GALNT14: variants seen among roughly 807,000 people sequenced by gnomAD.
GALNT14 encodes polypeptide N-acetylgalactosaminyltransferase 14.
A neutral mutation model predicts 77.5 loss-of-function variants in GALNT14; 60 were observed. That is an observed-to-expected ratio of 0.77 (90% CI 0.63 to 0.96). The LOEUF is 0.96. Among genes scored for constraint, GALNT14 ranks in the 40% least tolerant of loss-of-function variants. The pLI is 0.00. For synonymous variants in GALNT14, 280 were observed against 281.7 expected (o/e 0.99, Z 0.06); for missense variants, 710 against 731.0 (o/e 0.97, Z 0.33).
Position 30,930,157 on chromosome 2 carries a change from G to C in GALNT14, c.1059-670C>G, listed in dbSNP as rs1014953680. Reference sequence around the variant, plus strand: ...CTTCTGTGGCTATCAAAGAAATAGGGAGAAAAGGCTCAGGAACCCTACTGG... The same window carrying C: ...CTTCTGTGGCTATCAAAGAAATAGGCAGAAAAGGCTCAGGAACCCTACTGG... On this transcript the variant is annotated intron_variant, in intron 10 of 14. Coordinates refer to ENST00000349752, the MANE Select transcript of GALNT14 (RefSeq NM_024572.4). Among the ~76,000 whole-genome samples the C allele has an allele frequency of 2.6e-5, 4 of 151,350 alleles. No homozygotes were observed. In the East Asian group the frequency reaches 7.7e-4, roughly 29 times the overall value.
At chr2:30,932,540 C>A (rs151272202) in intron 9 of GALNT14, among the ~76,000 whole-genome samples, 1 of 152,192 alleles carries the variant, frequency 6.6e-6, no homozygotes, top group Non-Finnish European at 1.5e-5. Flanking sequence ...TTCTAACTTG[C>A]GGAAGAATTC....
chr2:31,047,878 G>GAC (rs1358014754), intron 1 of GALNT14, among the ~76,000 whole-genome samples: 1 of 152,210 alleles, frequency 6.6e-6, no homozygotes, highest in African/African-American at 2.4e-5. Context: ...CAAAGGGAAT[G>GAC]ACACACACCA....
intron 13 of GALNT14, among the ~76,000 whole-genome samples, chr2:30,921,158 C>T (rs1366967477): frequency 1.3e-5 from 2 of 152,194 alleles, no homozygotes; most frequent in African/African-American, 2.4e-5. Flanking sequence ...AGGGCCAGAG[C>T]ATTGCAGGGC....
At chr2:30,939,865 T>C (rs1291754313) in intron 9 of GALNT14, among the ~76,000 whole-genome samples, 3 of 152,192 alleles carry the variant, frequency 2.0e-5, no homozygotes, top group Middle Eastern at 3.4e-3. Flanking sequence ...AAATCCCTGA[T>C]CTTCACGGGG....
chr2:31,091,748 A>T (rs1305037287), intron 1 of GALNT14, among the ~76,000 whole-genome samples: 3 of 152,216 alleles, frequency 2.0e-5, no homozygotes, highest in Non-Finnish European at 1.5e-5. Context: ...GGAAGGGATA[A>T]GGGAGCCCTC....
chr2:30,915,871 T>C (rs1277861073), intron 13 of GALNT14, among the ~76,000 whole-genome samples: 1 of 152,208 alleles, frequency 6.6e-6, no homozygotes, highest in Non-Finnish European at 1.5e-5. Context: ...CAAAAGCTTA[T>C]ATGTAACAAA....
At chr2:31,117,160 T>C (rs1678148235) in intron 1 of GALNT14, among the ~76,000 whole-genome samples, 1 of 152,184 alleles carries the variant, frequency 6.6e-6, no homozygotes, top group Non-Finnish European at 1.5e-5. Flanking sequence ...AAAGTAGAGA[T>C]TTGATAGGCC....
At chr2:30,926,515 T>C (rs1665391098) in intron 11 of GALNT14, among the ~76,000 whole-genome samples, 1 of 152,066 alleles carries the variant, frequency 6.6e-6, no homozygotes, top group African/African-American at 2.4e-5. Context: ...AAAGGATAGG[T>C]TTAGCTTAGA....
At chr2:30,928,405 T>G (rs1665519000) in intron 11 of GALNT14, among the ~76,000 whole-genome samples, 1 of 152,100 alleles carries the variant, frequency 6.6e-6, no homozygotes, top group African/African-American at 2.4e-5. Context: ...GAATACAAGG[T>G]CATTCCAAGT....
intron 1 of GALNT14, among the ~76,000 whole-genome samples, chr2:31,111,072 C>A (rs1216022516): frequency 6.6e-6 from 1 of 152,178 alleles, no homozygotes; most frequent in African/African-American, 2.4e-5. Flanking sequence ...AAACAACAGG[C>A]ACTCTGGCCT....
At chr2:31,042,624 T>C (rs1673170238) in intron 1 of GALNT14, among the ~76,000 whole-genome samples, 1 of 152,172 alleles carries the variant, frequency 6.6e-6, no homozygotes, top group African/African-American at 2.4e-5. Flanking sequence ...CATTCATCTG[T>C]TGAGATGAAA....
At chr2:30,916,016 A>G (rs781135435) in intron 13 of GALNT14, among the ~76,000 whole-genome samples, 31 of 152,172 alleles carry the variant, frequency 2.0e-4, no homozygotes, top group African/African-American at 7.2e-4. Context: ...GACCTCCACA[A>G]ACAAGTTTTA....
At position 30,955,611 on chromosome 2, in the gene GALNT14, C is replaced by G. The variant is rs1404402835; in HGVS notation, c.654+7G>C. 6.2e-7 allele frequency: 1 copy of G among 1,613,714 alleles called. No homozygotes were observed. Among genetic ancestry groups the G allele is most frequent in the African/African-American group, 1.3e-5 (1 of 74,938 alleles). On this transcript the variant is annotated splice_region_variant and intron_variant, in intron 6 of 14. Coordinates refer to ENST00000349752, the MANE Select transcript of GALNT14 (RefSeq NM_024572.4). The stretch of plus-strand genomic sequence containing the variant: ...GAGGCCCGGCCCTGCTCCTCAGCCT[C>G]ACTCACCTCTTTGACCCTGTGCAAC...
chr2:30,967,602 C>T (rs952122768), intron 2 of GALNT14, among the ~76,000 whole-genome samples: 8 of 152,168 alleles, frequency 5.3e-5, no homozygotes, highest in Non-Finnish European at 8.8e-5. Context: ...TCAAGCCTGT[C>T]CTCTCTGCCA....
At chr2:30,916,807 G>C (rs750286836) in intron 13 of GALNT14, among the ~76,000 whole-genome samples, 3 of 152,000 alleles carry the variant, frequency 2.0e-5, no homozygotes, top group African/African-American at 7.3e-5. Context: ...GGTCAGGCGC[G>C]GTGGCTCTTG....
the GALNT14 span, among the ~76,000 whole-genome samples, chr2:30,887,198 A>C: frequency 6.6e-6 from 1 of 152,152 alleles, no homozygotes; most frequent in Non-Finnish European, 1.5e-5. Context: ...TTGTGCATGT[A>C]TTTAAGTAGC....
chr2:31,041,648 T>C (rs1558517890), intron 1 of GALNT14, among the ~76,000 whole-genome samples: 2 of 152,068 alleles, frequency 1.3e-5, no homozygotes. Context: ...TTGTGAACTA[T>C]AGGCAAGATG....
chr2:31,105,679 C>T (rs1306557906), intron 1 of GALNT14, among the ~76,000 whole-genome samples: 1 of 151,764 alleles, frequency 6.6e-6, no homozygotes, highest in East Asian at 1.9e-4. Context: ...GAGCCAAGAT[C>T]ATACCACTGT....
intron 1 of GALNT14, chr2:31,125,013 G>C: frequency 1.6e-6 from 1 of 628,550 alleles, no homozygotes; most frequent in Non-Finnish European, 2.8e-6. Flanking sequence ...AGAGCCTCCT[G>C]CTGGATGCAA....
Sources: gnomAD v4.1 joint callset for allele counts (sites outside exome capture counted in the v4.1 genomes callset) on GRCh38, gnomAD v4.1.1 for gene constraint, MANE v1.5 for transcripts, NCBI Gene and HGNC (gene_info 2026-07-23, HGNC 2026-07-21) for gene names.